Variants in DNAJB14 observed in about 807,000 individuals in gnomAD.
The protein encoded by DNAJB14 is dnaJ homolog subfamily B member 14.
DNAJB14 carries 22 observed loss-of-function variants against 48.4 expected under a neutral mutation model. The ratio of observed to expected loss-of-function variants is 0.45; its 90% CI spans 0.32 to 0.65. The LOEUF is 0.65. Ranked by LOEUF, DNAJB14 falls within the 30% of genes least tolerant of loss-of-function variation. The probability of loss-of-function intolerance (pLI) is 0.03; values close to 1 mark genes in which losing one functional copy is unlikely to be tolerated. For missense variants in DNAJB14, 319 were observed against 458.8 expected (o/e 0.70, Z 2.78); for synonymous variants, 142 against 158.7 (o/e 0.89, Z 0.79).
chr4:99,896,321 T>G lies in DNAJB14; in HGVS notation c.*4707A>C, dbSNP rs1307415813. ...AGAGACTGAAAGACAAAAATTCATATTTCATTCAGAACATTCATTAAAAAT... is the reference window on the plus strand; with the variant it reads ...AGAGACTGAAAGACAAAAATTCATAGTTCATTCAGAACATTCATTAAAAAT... On this transcript the variant is annotated 3_prime_UTR_variant, in exon 8 of 8. Transcript: ENST00000442697. 1.3e-5 allele frequency: 2 copies of G among 152,208 alleles called. No individual in the cohort carries two copies. Among genetic ancestry groups the G allele is most frequent in the Non-Finnish European group, 2.9e-5 (2 of 68,026 alleles). 9.4% of individuals were successfully genotyped at this position (152,208 alleles called of 1,614,324 possible).
rs943732602 is a variant in DNAJB14 at position 99,944,552 on chromosome 4, T to C, written c.133+1887A>G. Among the ~76,000 whole-genome samples, 5 of 151,910 alleles carry C rather than the reference T, an allele frequency of 3.3e-5. No homozygotes were observed. The South Asian group carries it at 6.2e-4, about 19-fold the overall frequency. On this transcript the variant is annotated intron_variant, in intron 1 of 7. Transcript: ENST00000442697. ...ACAATGGAATATTATTCAGTTTTTT[T>C]ACTGTAGCTTTTTTTTGGTCTTTTT...
intron 3 of DNAJB14, among the ~76,000 whole-genome samples, chr4:99,922,109 A>G (rs2110207838): frequency 6.6e-6 from 1 of 152,326 alleles, no homozygotes; most frequent in East Asian, 1.9e-4. Flanking sequence ...TACTTTCACC[A>G]GCACCACTTT....
At chr4:99,930,658 C>T (rs1333220486) in intron 1 of DNAJB14, 37 bp from the exon 2 acceptor site, 1 of 1,564,218 alleles carries the variant, frequency 6.4e-7, no homozygotes, top group African/African-American at 1.4e-5. Context: ...CTGTTTACAT[C>T]AACGTACATA....
At position 99,912,460 on chromosome 4, in the gene DNAJB14, A is replaced by G. The variant is rs143800674; in HGVS notation, c.452-3564T>C. On this transcript the variant is annotated intron_variant, in intron 3 of 7. Coordinates refer to ENST00000442697, the MANE Select transcript of DNAJB14 (RefSeq NM_001031723.4). ...TTGACAGGAATTGTGTTAAATCTGT[A>G]TATCAATCTGTGATGACTTGACTTT... Among the ~76,000 whole-genome samples, 582 of 151,916 alleles carry G rather than the reference A, an allele frequency of 3.8e-3. 5 individuals carry two copies. The highest frequency in any genetic ancestry group is 0.013 in the African/African-American group (540 of 41,468).
At chr4:99,902,974 C>T (rs568210205) in intron 7 of DNAJB14, among the ~76,000 whole-genome samples, 66 of 152,212 alleles carry the variant, frequency 4.3e-4, no homozygotes, top group African/African-American at 1.6e-3. Context: ...TCATCATCAC[C>T]CATTTTACAC....
chr4:99,906,668 C>G, intron 4 of DNAJB14, 57 bp from the exon 5 acceptor site: 1 of 1,362,498 alleles, frequency 7.3e-7, no homozygotes, highest in Admixed American at 2.0e-5. Context: ...AGAAAAAATA[C>G]ATTTTCTTTC....
In DNAJB14 at chr4:99,897,592, A is replaced by T. The variant is rs1725174725; in HGVS notation, c.*3436T>A. ...TTAAAATGTTGGAAATTATTGCCAG[A>T]CAAGTTTCTTTTCATTGGTTTATAG... On this transcript the variant is annotated 3_prime_UTR_variant, in exon 8 of 8. Coordinates refer to ENST00000442697, the MANE Select transcript of DNAJB14 (RefSeq NM_001031723.4). The T allele has an allele frequency of 6.6e-6, 1 of 152,038 alleles. No individual in the cohort carries two copies. The highest frequency in any genetic ancestry group is 1.5e-5 in the Non-Finnish European group (1 of 67,878). The allele number at this position is 152,038 out of a possible 1,614,324, so 9.4% of individuals were successfully genotyped here. A position where few individuals can be genotyped will look rare whatever the true frequency, so the allele number is the denominator to read the frequency against.
chr4:99,922,947 C>T (rs1397727663), intron 3 of DNAJB14, 93 bp downstream of exon 3: 38 of 1,336,802 alleles, frequency 2.8e-5, no homozygotes, highest in Non-Finnish European at 3.5e-5. Context: ...TCTCTAAATG[C>T]ACCAGTCCAA....
At chr4:99,937,209 C>CG (rs957817457) in intron 1 of DNAJB14, among the ~76,000 whole-genome samples, 91 of 152,046 alleles carry the variant, frequency 6.0e-4, no homozygotes, top group African/African-American at 2.2e-3. Flanking sequence ...CCCAGCTACT[C>CG]GGGAGGCTGA....
At chr4:99,940,782 A>G (rs910252408) in intron 1 of DNAJB14, among the ~76,000 whole-genome samples, 3 of 151,876 alleles carry the variant, frequency 2.0e-5, no homozygotes, top group Non-Finnish European at 4.4e-5. Context: ...ATTTTCTTCA[A>G]TTGTTGACAT....
chr4:99,927,335 A>G (rs1194616874), intron 2 of DNAJB14: 1 of 152,116 alleles, frequency 6.6e-6, no homozygotes, highest in African/African-American at 2.4e-5. Flanking sequence ...ATATACTCCA[A>G]ATTTAACTAG....
chr4:99,922,885 ACCAGTTAAT>A, intron 3 of DNAJB14, 146 bp downstream of exon 3: 1 of 787,854 alleles, frequency 1.3e-6, no homozygotes, highest in East Asian at 2.9e-5. Context: ...TTCGGGTATA[ACCAGTTAAT>A]ACTGAAGTTT....
At chr4:99,905,348 T>C (rs896306885) in intron 6 of DNAJB14, among the ~76,000 whole-genome samples, 2 of 152,126 alleles carry the variant, frequency 1.3e-5, no homozygotes, top group African/African-American at 4.8e-5. Flanking sequence ...CATTAAATTG[T>C]TATCAAGTTC....
At position 99,897,163 on chromosome 4, in the gene DNAJB14, C is replaced by G. The variant is rs1316179938; in HGVS notation, c.*3865G>C. 1 of 144,960 alleles carries G rather than the reference C, an allele frequency of 6.9e-6. No homozygotes were observed. Among genetic ancestry groups the G allele is most frequent in the Non-Finnish European group, 1.5e-5 (1 of 66,716 alleles). 9.0% of individuals were successfully genotyped at this position (144,960 alleles called of 1,614,324 possible). On this transcript the variant is annotated 3_prime_UTR_variant, in exon 8 of 8. Transcript: ENST00000442697. ...CATAGTGTGGTATATATTAAACAATCACACATTTGAGGTAATTAGCTGGGA... is the reference window on the plus strand; with the variant it reads ...CATAGTGTGGTATATATTAAACAATGACACATTTGAGGTAATTAGCTGGGA...
intron 2 of DNAJB14, chr4:99,927,672 A>G (rs942249975): frequency 2.6e-5 from 4 of 152,216 alleles, no homozygotes; most frequent in African/African-American, 4.8e-5. Flanking sequence ...TTAGTTTACA[A>G]AGTTACACAC....
intron 5 of DNAJB14, chr4:99,906,163 A>G (rs1394169838): frequency 3.0e-6 from 4 of 1,326,824 alleles, no homozygotes; most frequent in Non-Finnish European, 3.0e-6. Flanking sequence ...GCTATAGGCA[A>G]TTAGGTATAA....
rs1414148262 is a variant in DNAJB14 at position 99,946,500 on chromosome 4, G to C, written c.72C>G (p.Arg24=). 2.5e-6 allele frequency: 4 copies of C among 1,613,742 alleles called. No individual in the cohort carries two copies. Among genetic ancestry groups the C allele is most frequent in the South Asian group, 2.2e-5 (2 of 91,082 alleles). The part of the protein sequence containing the change: ...IAREALNAGN[R]EKAQRFLQKA... ...TCTGCAGGAAGCGCTGGGCCTTCTC[G>C]CGGTTGCCGGCGTTCAGGGCCTCCC... The change falls in exon 1 of 8, where the codon CGC becomes CGG. Residue 24 remains arginine (R), a synonymous_variant. Transcript: ENST00000442697.
chr4:99,944,909 C>A (rs1253521826), intron 1 of DNAJB14, among the ~76,000 whole-genome samples: 1 of 152,060 alleles, frequency 6.6e-6, no homozygotes, highest in Non-Finnish European at 1.5e-5. Context: ...GAATTCTTCA[C>A]GTTACAACAT....
intron 3 of DNAJB14, among the ~76,000 whole-genome samples, chr4:99,911,164 CT>C (rs1298499951): frequency 3.3e-5 from 5 of 151,944 alleles, no homozygotes; most frequent in African/African-American, 1.2e-4. Context: ...GGAATGAAAC[CT>C]TTTGGGATTG....
Sources: allele counts gnomAD v4.1 joint callset (sites outside exome capture counted in the v4.1 genomes callset), GRCh38; gene constraint gnomAD v4.1.1; transcripts MANE v1.5; gene names NCBI Gene and HGNC (gene_info 2026-07-23, HGNC 2026-07-21).